SORD: variants seen among roughly 807,000 people sequenced by gnomAD.
SORD encodes the protein (R,R)-butanediol dehydrogenase.
In SORD, 18 loss-of-function variants were observed where a neutral mutation model predicts 35.6. That is an observed-to-expected ratio of 0.51 (90% CI 0.35 to 0.75). The LOEUF (loss-of-function observed/expected upper bound fraction) is 0.75, where lower values mean the gene tolerates loss of function less well. SORD is among the 30% of genes least tolerant of loss of function. The pLI is 0.01. For synonymous variants in SORD, 106 were observed against 152.9 expected, an observed-to-expected ratio of 0.69 and a Z score of 2.26; for missense variants, 250 against 390.2, an observed-to-expected ratio of 0.64 and a Z score of 3.03.
intron 4 of SORD, among the ~76,000 whole-genome samples, chr15:45,063,348 C>A (rs1169878426): frequency 6.6e-6 from 1 of 152,020 alleles, no homozygotes; most frequent in Non-Finnish European, 1.5e-5. Context: ...TAAAAACTAC[C>A]AAGTTGCCTC....
chr15:45,027,024 G>T (rs911671000), intron 1 of SORD, among the ~76,000 whole-genome samples: 1 of 152,260 alleles, frequency 6.6e-6, no homozygotes, highest in Non-Finnish European at 1.5e-5. Context: ...ATTAGTTAAT[G>T]ATCACCTTGA....
chr15:45,033,421 G>A (rs1263645009), intron 1 of SORD, among the ~76,000 whole-genome samples: 1,131 of 148,614 alleles, frequency 7.6e-3, no homozygotes, highest in African/African-American at 0.027. Context: ...TTTGCATTAT[G>A]TTTTATTGTT....
chr15:45,065,465 C>G, intron 5 of SORD, 76 bp downstream of exon 5: 1 of 1,520,722 alleles, frequency 6.6e-7, no homozygotes, highest in East Asian at 2.3e-5. Context: ...CTCATTCCCC[C>G]TCCAAGGCTT....
intron 3 of SORD, among the ~76,000 whole-genome samples, chr15:45,053,150 T>C (rs1182861088): frequency 1.3e-5 from 2 of 152,090 alleles, no homozygotes; most frequent in African/African-American, 4.8e-5. Flanking sequence ...TTGCCTGAGG[T>C]TGCCGCTGAT....
chr15:45,040,579 G>A, intron 2 of SORD, 138 bp downstream of exon 2: 1 of 700,034 alleles, frequency 1.4e-6, no homozygotes, highest in South Asian at 1.7e-5. Flanking sequence ...GCTTTTGTTA[G>A]GCTGAGAACA....
chr15:45,049,684 T>A (rs117537108), intron 3 of SORD, among the ~76,000 whole-genome samples: 2,991 of 152,294 alleles, frequency 0.02, 44 homozygotes, highest in Non-Finnish European at 0.03. Flanking sequence ...TCTGGCAGGA[T>A]TTGCAGGATA....
chr15:45,066,014 C>T (rs1337277067), intron 5 of SORD, among the ~76,000 whole-genome samples: 3 of 151,964 alleles, frequency 2.0e-5, no homozygotes, highest in Admixed American at 6.6e-5. Flanking sequence ...AAGGCTGAGA[C>T]GGGTAGATCA....
chr15:45,049,377 G>T (rs981751267), intron 3 of SORD, among the ~76,000 whole-genome samples: 1 of 152,038 alleles, frequency 6.6e-6, no homozygotes, highest in African/African-American at 2.4e-5. Context: ...CTTATCTAAG[G>T]GTCCTCAGAA....
rs767076955 is a variant in SORD at position 45,065,392 on chromosome 15, A to G, written c.544+3A>G. ...CAAGGTCCTTGTGTGTGGAGCTGGT[A>G]AGAAACAGAAGCCACCCTGTTGCGG... is the stretch of plus-strand genomic sequence containing the variant. On this transcript the variant is annotated splice_donor_region_variant and intron_variant, in intron 5 of 8. Transcript: ENST00000267814. The G allele has an allele frequency of 3.1e-6, 5 of 1,597,644 alleles. No homozygotes were observed. Among genetic ancestry groups the G allele is most frequent in the Admixed American group, 1.8e-5 (1 of 55,588 alleles).
At chr15:45,071,292 T>C (rs1482564141) in intron 7 of SORD, among the ~76,000 whole-genome samples, 2 of 152,138 alleles carry the variant, frequency 1.3e-5, no homozygotes, top group African/African-American at 4.8e-5. Flanking sequence ...GATGAGGAAG[T>C]AGTTTCCCTA....
At position 45,072,324 on chromosome 15, in the gene SORD, G is replaced by A. The variant is rs1449282626; in HGVS notation, c.794G>A (p.Arg265His). 7 of 620,570 alleles carry A rather than the reference G, an allele frequency of 1.1e-5. No homozygotes were observed. The highest frequency in any genetic ancestry group is 2.3e-5 in the South Asian group (1 of 44,144). The allele number at this position is 620,570 out of a possible 1,614,324, so 38.4% of individuals were successfully genotyped here. ...TTTTTACCTCCTTTACAGGCCACTC[G>A]CTCTGGTGGGAACCTCGTGCTTGTG... ...ASIQAGIYAT[R>H]SGGNLVLVGL... The change falls in exon 8 of 9, where the codon CGC becomes CAC. Residue 265 changes from arginine to histidine, a missense_variant. Physicochemically the swap from Arg to His is conservative, Grantham distance 29. This residue lies in a region of SORD where 44 missense variants were observed against 54.5 expected (regional missense o/e 0.81). Transcript: ENST00000267814.
chr15:45,023,796 A>G (rs1326930693), intron 1 of SORD, among the ~76,000 whole-genome samples: 1 of 152,198 alleles, frequency 6.6e-6, no homozygotes, highest in Admixed American at 6.5e-5. Context: ...CTTGCTTGGG[A>G]CTGATAAACC....
chr15:45,029,038 G>C (rs2141262541), intron 1 of SORD, among the ~76,000 whole-genome samples: 1 of 152,348 alleles, frequency 6.6e-6, no homozygotes, highest in Middle Eastern at 3.4e-3. Flanking sequence ...TGATAGTGAT[G>C]AGATGCAGGC....
intron 1 of SORD, among the ~76,000 whole-genome samples, chr15:45,028,873 GGT>G: frequency 6.6e-6 from 1 of 151,978 alleles, no homozygotes; most frequent in Non-Finnish European, 1.5e-5. Context: ...AAGATTTTGG[GGT>G]GAGAAGCGGA....
At chr15:45,024,273 G>A (rs1459882805) in intron 1 of SORD, among the ~76,000 whole-genome samples, 2 of 152,218 alleles carry the variant, frequency 1.3e-5, no homozygotes, top group South Asian at 2.1e-4. Flanking sequence ...AAGTACATGC[G>A]TCAGTATGTA....
chr15:45,046,141 G>A (rs2141272351), intron 3 of SORD, among the ~76,000 whole-genome samples: 1 of 152,088 alleles, frequency 6.6e-6, no homozygotes, highest in East Asian at 1.9e-4. Flanking sequence ...AAGGCTAGGT[G>A]GAAGAATTCA....
intron 1 of SORD, among the ~76,000 whole-genome samples, chr15:45,028,446 C>T (rs1892715681): frequency 6.6e-6 from 1 of 152,264 alleles, no homozygotes; most frequent in Non-Finnish European, 1.5e-5. Flanking sequence ...CTCCCTTCTT[C>T]CTGAAAGCTG....
At chr15:45,056,742 A>G (rs1365390530) in intron 3 of SORD, among the ~76,000 whole-genome samples, 1 of 152,244 alleles carries the variant, frequency 6.6e-6, no homozygotes, top group African/African-American at 2.4e-5. Context: ...CTTTTGGTAC[A>G]TTGTGGCTTC....
At chr15:45,050,213 C>CT (rs1893103906) in intron 3 of SORD, among the ~76,000 whole-genome samples, 1 of 152,178 alleles carries the variant, frequency 6.6e-6, no homozygotes, top group African/African-American at 2.4e-5. Context: ...TCCTGAGTAG[C>CT]TGGGACTACA....
Sources: allele counts gnomAD v4.1 joint callset (sites outside exome capture counted in the v4.1 genomes callset), GRCh38; gene constraint gnomAD v4.1.1; regional missense constraint gnomAD v4.1.1; transcripts MANE v1.5; gene names NCBI Gene and HGNC (gene_info 2026-07-23, HGNC 2026-07-21).